DOCK10: variants seen among roughly 807,000 people sequenced by gnomAD.
DOCK10 encodes the protein dedicator of cytokinesis protein 10.
Under a neutral mutation model 280.1 loss-of-function variants are expected in DOCK10, and 145 were observed. The observed-to-expected ratio is 0.52, with a 90% CI of 0.45 to 0.59. DOCK10 has a LOEUF of 0.59. DOCK10 is among the 20% of genes least tolerant of loss of function. DOCK10 has a pLI of 0.00. For missense variants in DOCK10, 2,368 were observed against 2,651.7 expected (o/e 0.89, Z 2.35); for synonymous variants, 915 against 942.2 (o/e 0.97, Z 0.53).
chr2:224,770,207 T>C lies in DOCK10; in HGVS notation c.6444+4A>G. ...ATAGCGCGTGTGCACCAAGGAGCGC[T>C]CACCTGCTCATTCATGACTGTGGAG... On this transcript the variant is annotated splice_donor_region_variant and intron_variant, in intron 55 of 55. Coordinates refer to ENST00000258390, the MANE Select transcript of DOCK10 (RefSeq NM_014689.3). The surrounding 1 kb of genome is among the most constrained non-coding windows in gnomAD (Gnocchi z 4.5). 1 of 1,559,318 alleles carries C rather than the reference T, an allele frequency of 6.4e-7. No homozygotes were observed. Among genetic ancestry groups the C allele is most frequent in the Non-Finnish European group, 8.7e-7 (1 of 1,153,700 alleles).
chr2:224,846,141 T>G (rs1357668060), intron 19 of DOCK10, among the ~76,000 whole-genome samples: 1 of 152,266 alleles, frequency 6.6e-6, no homozygotes, highest in Non-Finnish European at 1.5e-5. Context: ...ATATTTTTAC[T>G]TTTTTATTGT....
chr2:224,913,325 C>T (rs1251496651), intron 3 of DOCK10, among the ~76,000 whole-genome samples: 3 of 152,010 alleles, frequency 2.0e-5, no homozygotes, highest in Non-Finnish European at 4.4e-5. Flanking sequence ...CTTTTAATTT[C>T]TATTTCCATG....
chr2:224,975,654 T>C (rs1705392681), intron 1 of DOCK10, among the ~76,000 whole-genome samples: 1 of 152,214 alleles, frequency 6.6e-6, no homozygotes, highest in South Asian at 2.1e-4. Flanking sequence ...ATAGTTTCCA[T>C]AGTATGTCCC....
intron 1 of DOCK10, among the ~76,000 whole-genome samples, chr2:224,953,317 C>A (rs936432776): frequency 1.3e-5 from 2 of 152,082 alleles, no homozygotes; most frequent in Non-Finnish European, 2.9e-5. Flanking sequence ...CTTCCATTTC[C>A]AGTAGATTTC....
At chr2:225,035,587 T>TATATATAAAA (rs1553634969) in intron 1 of DOCK10, among the ~76,000 whole-genome samples, 4 of 111,224 alleles carry the variant, frequency 3.6e-5, no homozygotes, top group South Asian at 2.6e-4. Flanking sequence ...TATATATATA[T>TATATATAAAA]AACACTGAAT....
At chr2:224,804,912 T>C in intron 37 of DOCK10, 71 bp from the exon 38 acceptor site, 1 of 1,284,788 alleles carries the variant, frequency 7.8e-7, no homozygotes, top group Non-Finnish European at 1.1e-6. Flanking sequence ...CATCTAAGTA[T>C]ATTGAAAGAA....
At position 224,869,720 on chromosome 2, in the gene DOCK10, A is replaced by G. The variant is rs185558334; in HGVS notation, c.1257+4276T>C. Among the ~76,000 whole-genome samples, 211 of 152,294 alleles carry G rather than the reference A, an allele frequency of 1.4e-3. 1 individual carries two copies. The highest frequency in any genetic ancestry group is 0.014 in the Middle Eastern group (4 of 292). The stretch of plus-strand genomic sequence containing the variant: ...CCTGACAGATACCAAAGGACACACT[A>G]ACTTGGTTCTCTGTACTTGGCTGTG... On this transcript the variant is annotated intron_variant, in intron 11 of 55. Transcript: ENST00000258390.
chr2:224,824,321 A>G (rs1455297609), intron 27 of DOCK10, among the ~76,000 whole-genome samples: 2 of 151,368 alleles, frequency 1.3e-5, no homozygotes, highest in Admixed American at 6.6e-5. Flanking sequence ...ATAAAGCTCT[A>G]TGGATCTCAA....
chr2:224,956,058 A>G (rs1011476923), intron 1 of DOCK10, among the ~76,000 whole-genome samples: 5 of 152,244 alleles, frequency 3.3e-5, no homozygotes, highest in African/African-American at 1.2e-4. Context: ...AAACGAAGTG[A>G]CAAATGAAGA....
At chr2:225,031,179 T>C (rs558802445) in intron 1 of DOCK10, among the ~76,000 whole-genome samples, 1 of 152,212 alleles carries the variant, frequency 6.6e-6, no homozygotes, top group East Asian at 1.9e-4. Context: ...GAGACAAATA[T>C]CATTTGGACT....
Position 225,004,619 on chromosome 2 carries a change from A to G in DOCK10, c.123+37633T>C, listed in dbSNP as rs550166186. Among the ~76,000 whole-genome samples, 2 of 152,150 alleles carry G rather than the reference A, an allele frequency of 1.3e-5. 1 individual carries two copies. Among genetic ancestry groups the G allele is most frequent in the Non-Finnish European group, 2.9e-5 (2 of 68,034 alleles). On this transcript the variant is annotated intron_variant, in intron 1 of 55. Transcript: ENST00000258390. ...CAGAGCTAGCCTTAAGAAATGGGGG[A>G]GCTGTGTTTGAATTGACATCCTTCT...
chr2:224,863,642 C>T (rs1697678157), intron 13 of DOCK10, among the ~76,000 whole-genome samples: 2 of 151,948 alleles, frequency 1.3e-5, no homozygotes, highest in South Asian at 2.1e-4. Flanking sequence ...TTAGTAGAGA[C>T]GGGGTTTCAC....
At chr2:224,936,626 T>A (rs1325564093) in intron 1 of DOCK10, among the ~76,000 whole-genome samples, 1 of 32,208 alleles carries the variant, frequency 3.1e-5, no homozygotes, top group Non-Finnish European at 1.1e-4. Context: ...TGTTTATGTA[T>A]TTATTGTTCA....
At chr2:224,857,313 T>A (rs1222555280) in intron 14 of DOCK10, among the ~76,000 whole-genome samples, 1 of 152,282 alleles carries the variant, frequency 6.6e-6, no homozygotes, top group South Asian at 2.1e-4. Context: ...TCTTTTAAAT[T>A]ATGTTTCCAA....
intron 23 of DOCK10, among the ~76,000 whole-genome samples, chr2:224,841,447 A>G (rs893161364): frequency 6.6e-6 from 1 of 152,210 alleles, no homozygotes; most frequent in Admixed American, 6.5e-5. Context: ...GAACTTGAGT[A>G]TGAACACTGT....
intron 1 of DOCK10, among the ~76,000 whole-genome samples, chr2:224,953,938 T>C (rs1559855254): frequency 2.0e-5 from 3 of 152,062 alleles, no homozygotes; most frequent in African/African-American, 7.2e-5. Context: ...AGAGTGTGTG[T>C]GTGTGTGTGA....
Position 224,801,984 on chromosome 2 carries a change from GGTAAAGTTT to G in DOCK10, c.4316_4324del (p.Gln1439_Leu1441del). On this transcript the variant is annotated inframe_deletion, in exon 40 of 56. Transcript: ENST00000258390. ...AAGTGCATTTTTGCCTCGAATTATA[GGTAAAGTTT>G]GTGATCTGTGCTGCTTATGGCCTTC... 6.2e-7 allele frequency: 1 copy of G among 1,613,158 alleles called. No individual in the cohort carries two copies. Among genetic ancestry groups the G allele is most frequent in the Non-Finnish European group, 8.5e-7 (1 of 1,179,372 alleles).
chr2:224,965,800 T>TA (rs1209980158), intron 1 of DOCK10, among the ~76,000 whole-genome samples: 2 of 152,176 alleles, frequency 1.3e-5, no homozygotes, highest in Non-Finnish European at 2.9e-5. Context: ...GAAAATTGTT[T>TA]AAAAAAAGTA....
intron 3 of DOCK10, among the ~76,000 whole-genome samples, chr2:224,914,882 G>T (rs1701225474): frequency 6.6e-6 from 1 of 152,118 alleles, no homozygotes; most frequent in African/African-American, 2.4e-5. Context: ...GAACTATTAG[G>T]ATAAGAGTTT....
Sources: gnomAD v4.1 joint callset for allele counts (sites outside exome capture counted in the v4.1 genomes callset) on GRCh38, gnomAD v4.1.1 for gene constraint, Gnocchi (gnomAD v3.1) non-coding constraint, MANE v1.5 for transcripts, NCBI Gene and HGNC (gene_info 2026-07-23, HGNC 2026-07-21) for gene names.